Variants in CARMIL1 observed in about 807,000 individuals in gnomAD.
The protein encoded by CARMIL1 is capping protein regulator and myosin 1 linker 1.
A neutral mutation model predicts 177.1 loss-of-function variants in CARMIL1; 90 were observed. That is an observed-to-expected ratio of 0.51 (90% confidence interval 0.43 to 0.61). The LOEUF (loss-of-function observed/expected upper bound fraction) is 0.61, where lower values mean the gene tolerates loss of function less well. Ranked by LOEUF, CARMIL1 falls within the 20% of genes least tolerant of loss-of-function variation. The pLI, the probability that CARMIL1 is intolerant of heterozygous loss-of-function variation, is 0.00. For synonymous variants in CARMIL1, 577 were observed against 606.2 expected, an observed-to-expected ratio of 0.95 and a Z score of 0.71; for missense variants, 1,380 against 1,667.0, an observed-to-expected ratio of 0.83 and a Z score of 3.00.
At chr6:25,491,316 G>A (rs1803211702) in intron 13 of CARMIL1, among the ~76,000 whole-genome samples, 2 of 152,336 alleles carry the variant, frequency 1.3e-5, no homozygotes, top group South Asian at 2.1e-4. Flanking sequence ...CCATCCTGTG[G>A]TTCAGATTCA....
rs2151184565 is a variant in CARMIL1, at chr6:25,558,062, C to T, written c.2742+1212C>T. On this transcript the variant is annotated intron_variant, in intron 29 of 36. Coordinates refer to ENST00000329474, the MANE Select transcript of CARMIL1 (RefSeq NM_017640.6). The surrounding 1 kb of genome is among the most constrained non-coding windows in gnomAD (Gnocchi z 4.1). Reference sequence around the variant, plus strand: ...TCAAGTTTTTAAAAACTTGGTTGTCCATCTTATTATAACATTTATATTTCA... The same window carrying T: ...TCAAGTTTTTAAAAACTTGGTTGTCTATCTTATTATAACATTTATATTTCA... Among the ~76,000 whole-genome samples the T allele has an allele frequency of 6.6e-6, 1 of 152,152 alleles. No individual in the cohort carries two copies. Among genetic ancestry groups the T allele is most frequent in the South Asian group, 2.1e-4 (1 of 4,808 alleles).
chr6:25,390,322 T>TATA (rs1562073889), intron 2 of CARMIL1, among the ~76,000 whole-genome samples: 70 of 72,576 alleles, frequency 9.6e-4, no homozygotes, highest in South Asian at 2.4e-3. Context: ...ATATATATAT[T>TATA]TTTTTTTTTT....
rs560448837 is a variant in CARMIL1, at chr6:25,610,552, T to G, written c.3979+371T>G. ...GTCCTATTATTTTCAATGAAATCTTTTCCTAGTCGTGGCAAATCAGTACTG... is the reference window on the plus strand; with the variant it reads ...GTCCTATTATTTTCAATGAAATCTTGTCCTAGTCGTGGCAAATCAGTACTG... On this transcript the variant is annotated intron_variant, in intron 36 of 36. Transcript: ENST00000329474. Among the ~76,000 whole-genome samples, 15 of 152,304 alleles carry G rather than the reference T, an allele frequency of 9.8e-5. No individual in the cohort carries two copies. In the East Asian group the frequency reaches 2.7e-3, roughly 27 times the overall value.
intron 23 of CARMIL1, among the ~76,000 whole-genome samples, chr6:25,528,210 G>A (rs1340078164): frequency 6.6e-6 from 1 of 152,022 alleles, no homozygotes; most frequent in Non-Finnish European, 1.5e-5. Flanking sequence ...ATTCAGTCCT[G>A]TTTTTGAGAA....
chr6:25,517,292 T>G, intron 21 of CARMIL1, 55 bp from the exon 22 acceptor site: 18 of 1,351,324 alleles, frequency 1.3e-5, no homozygotes, highest in Non-Finnish European at 1.7e-5. Flanking sequence ...ATATTCAATG[T>G]GAGAATCATT....
intron 5 of CARMIL1, among the ~76,000 whole-genome samples, chr6:25,439,184 TGG>T (rs1562137328): frequency 6.8e-6 from 1 of 146,144 alleles, no homozygotes; most frequent in Non-Finnish European, 1.5e-5. Context: ...AAGTATTTTC[TGG>T]GGGGTGGGAT....
intron 16 of CARMIL1, among the ~76,000 whole-genome samples, chr6:25,499,042 C>T (rs963055642): frequency 3.9e-5 from 6 of 152,084 alleles, no homozygotes; most frequent in East Asian, 3.9e-4. Context: ...TGGAGGCAGC[C>T]GAGCCCCTAT....
chr6:25,489,816 C>T (rs979331450), intron 13 of CARMIL1, among the ~76,000 whole-genome samples: 1 of 151,856 alleles, frequency 6.6e-6, no homozygotes, highest in African/African-American at 2.4e-5. Context: ...ATCCATTTTC[C>T]AGTTTCAGTT....
chr6:25,349,258 A>G lies in CARMIL1; in HGVS notation c.138+64349A>G, dbSNP rs149192776. Reference sequence around the variant, plus strand: ...AGGCATGCCAGTGAACCTAATGTGCATGGCTTTGCAATGTAGGAGGAAACA... The same window carrying G: ...AGGCATGCCAGTGAACCTAATGTGCGTGGCTTTGCAATGTAGGAGGAAACA... On this transcript the variant is annotated intron_variant, in intron 2 of 36. Transcript: ENST00000329474. Among the ~76,000 whole-genome samples the G allele has an allele frequency of 1.8e-3, 281 of 152,348 alleles. 2 individuals are homozygous for G. Among genetic ancestry groups the G allele is most frequent in the Admixed American group, 3.7e-3 (57 of 15,306 alleles).
intron 2 of CARMIL1, among the ~76,000 whole-genome samples, chr6:25,328,835 T>C (rs1785351431): frequency 6.6e-6 from 1 of 151,792 alleles, no homozygotes; most frequent in South Asian, 2.1e-4. Context: ...AAAAATGCAA[T>C]GAGAGGGGAA....
At position 25,619,733 on chromosome 6, in the gene CARMIL1, CTTTTTTTTTTTTTTTTT is replaced by C. The variant is rs59911299; in HGVS notation, c.*162_*178del. On this transcript the variant is annotated 3_prime_UTR_variant, in exon 37 of 37. Transcript: ENST00000329474. ...TTTCGCCCCCACCCCCATCCCCTGC[CTTTTTTTTTTTTTTTTT>C]TTTTTTTTTTTGTATAGAAACAGAT... 4 of 93,296 alleles carry C rather than the reference CTTTTTTTTTTTTTTTTT, an allele frequency of 4.3e-5. No individual in the cohort carries two copies. Among genetic ancestry groups the C allele is most frequent in the South Asian group, 3.9e-4 (1 of 2,548 alleles). 5.8% of individuals were successfully genotyped at this position (93,296 alleles called of 1,614,324 possible). A position where few individuals can be genotyped will look rare whatever the true frequency, so the allele number is the denominator to read the frequency against.
intron 2 of CARMIL1, among the ~76,000 whole-genome samples, chr6:25,356,040 T>C (rs1788563764): frequency 6.9e-6 from 1 of 145,756 alleles, no homozygotes; most frequent in Non-Finnish European, 1.5e-5. Context: ...CTTTCCTCCT[T>C]CTAAGACTTC....
At chr6:25,345,647 C>A (rs1199876403) in intron 2 of CARMIL1, among the ~76,000 whole-genome samples, 1 of 152,130 alleles carries the variant, frequency 6.6e-6, no homozygotes, top group Non-Finnish European at 1.5e-5. Context: ...GACAGAGTCT[C>A]CCTCTGTTGC....
chr6:25,371,351 T>A (rs1449778214), intron 2 of CARMIL1, among the ~76,000 whole-genome samples: 1 of 152,244 alleles, frequency 6.6e-6, no homozygotes, highest in East Asian at 1.9e-4. Flanking sequence ...ATAGAGGTTG[T>A]ACTAATTTAC....
intron 15 of CARMIL1, among the ~76,000 whole-genome samples, chr6:25,494,658 GT>G (rs1396255521): frequency 6.6e-6 from 1 of 152,166 alleles, no homozygotes; most frequent in Non-Finnish European, 1.5e-5. Flanking sequence ...TTTCTGTGCT[GT>G]TTTAGCTCAA....
chr6:25,603,116 G>A (rs1443753823), intron 33 of CARMIL1, among the ~76,000 whole-genome samples: 2 of 152,210 alleles, frequency 1.3e-5, no homozygotes, highest in Non-Finnish European at 2.9e-5. Flanking sequence ...CAAATGGGGT[G>A]CCCCGGGTAC....
intron 8 of CARMIL1, among the ~76,000 whole-genome samples, chr6:25,458,604 T>TCCTCTGTAGAGTATA (rs1034568177): frequency 1.3e-5 from 2 of 151,416 alleles, no homozygotes; most frequent in Admixed American, 6.6e-5. Context: ...TCCTGGTATA[T>TCCTCTGTAGAGTATA]CCTCTGTAGA....
At chr6:25,582,292 C>T (rs1355998869) in intron 31 of CARMIL1, among the ~76,000 whole-genome samples, 3 of 152,192 alleles carry the variant, frequency 2.0e-5, no homozygotes, top group African/African-American at 7.2e-5. Context: ...TCCCGTTGAT[C>T]TCTGAGTCAT....
At chr6:25,394,737 A>G (rs891596276) in intron 2 of CARMIL1, among the ~76,000 whole-genome samples, 2 of 152,222 alleles carry the variant, frequency 1.3e-5, no homozygotes, top group African/African-American at 4.8e-5. Context: ...GTTTCAGTAA[A>G]GGAGAGTTAC....
Sources: allele counts gnomAD v4.1 joint callset (sites outside exome capture counted in the v4.1 genomes callset), GRCh38; gene constraint gnomAD v4.1.1; non-coding constraint Gnocchi (gnomAD v3.1); transcripts MANE v1.5; gene names NCBI Gene and HGNC (gene_info 2026-07-23, HGNC 2026-07-21).